The following DMRT1 variants were observed in gnomAD, a reference collection of about 807,000 sequenced individuals.
DMRT1 encodes doublesex- and mab-3-related transcription factor 1.
DMRT1 carries 7 observed loss-of-function variants against 32.3 expected under a neutral mutation model. The observed-to-expected ratio is 0.22, with a 90% confidence interval of 0.12 to 0.41. The LOEUF is 0.41. Ranked by LOEUF, DMRT1 falls within the 10% of genes least tolerant of loss-of-function variation. The pLI is 1.00. For missense variants in DMRT1, 625 were observed against 500.5 expected, an observed-to-expected ratio of 1.25 and a Z score of -2.37; for synonymous variants, 278 against 206.1, an observed-to-expected ratio of 1.35 and a Z score of -2.99.
intron 3 of DMRT1, among the ~76,000 whole-genome samples, chr9:896,754 A>G (rs1817383453): frequency 6.6e-6 from 1 of 151,722 alleles, no homozygotes; most frequent in East Asian, 2.0e-4. Context: ...TGGAGGTTGC[A>G]GTGAGCAGAG....
chr9:908,214 G>T (rs187311541), intron 3 of DMRT1, among the ~76,000 whole-genome samples: 1 of 152,090 alleles, frequency 6.6e-6, no homozygotes, highest in Non-Finnish European at 1.5e-5. Context: ...GCTCTTGGAG[G>T]GGGGCCCAAG....
intron 4 of DMRT1, among the ~76,000 whole-genome samples, chr9:963,309 A>C (rs1052975526): frequency 1.9e-4 from 29 of 152,218 alleles, no homozygotes; most frequent in Non-Finnish European, 2.8e-4. Flanking sequence ...TAAAGCTGAT[A>C]ACTAAGATAT....
At chr9:894,402 T>G in intron 3 of DMRT1, 1 of 625,708 alleles carries the variant, frequency 1.6e-6, no homozygotes, top group Non-Finnish European at 2.9e-6. Flanking sequence ...AATTTTTTAC[T>G]CTGTCAATAA....
chr9:914,100 G>T (rs1435130154), intron 3 of DMRT1, among the ~76,000 whole-genome samples: 1 of 152,130 alleles, frequency 6.6e-6, no homozygotes, highest in East Asian at 1.9e-4. Context: ...AGATGCTGCA[G>T]TGCTCTAATT....
At chr9:883,424 G>A (rs1816808020) in intron 2 of DMRT1, among the ~76,000 whole-genome samples, 1 of 151,988 alleles carries the variant, frequency 6.6e-6, no homozygotes, top group Non-Finnish European at 1.5e-5. Context: ...TCAGTGAGGA[G>A]CATCCCAGTG....
In DMRT1 at chr9:889,850, G is replaced by C. The variant is rs957265328; in HGVS notation, c.539-4062G>C. On this transcript the variant is annotated intron_variant, in intron 2 of 4. Coordinates refer to ENST00000382276, the MANE Select transcript of DMRT1 (RefSeq NM_021951.3). ...TTCAGTGTTTTTAATGCAGGGACAG[G>C]CCTAAGTGTCTAAAATGCCTTCCTA... Among the ~76,000 whole-genome samples the C allele has an allele frequency of 2.6e-5, 4 of 152,268 alleles. No homozygotes were observed. The East Asian group carries it at 5.8e-4, about 22-fold the overall frequency.
intron 4 of DMRT1, among the ~76,000 whole-genome samples, chr9:953,021 A>C (rs1189371340): frequency 6.6e-6 from 1 of 152,206 alleles, no homozygotes; most frequent in Non-Finnish European, 1.5e-5. Flanking sequence ...AAAGATACAC[A>C]TCTTTGAAAT....
Position 883,493 on chromosome 9 carries a change from C to T in DMRT1, c.539-10419C>T, listed in dbSNP as rs80195113. On this transcript the variant is annotated intron_variant, in intron 2 of 4. Coordinates refer to ENST00000382276, the MANE Select transcript of DMRT1 (RefSeq NM_021951.3). ...TTTTAAAAAAATGCATTAACTCCCCCGACCCCCAAAAGGAGAGCCCGGGTG... is the reference window on the plus strand; with the variant it reads ...TTTTAAAAAAATGCATTAACTCCCCTGACCCCCAAAAGGAGAGCCCGGGTG... Among the ~76,000 whole-genome samples the T allele has an allele frequency of 4.0e-3, 602 of 151,944 alleles. 3 individuals carry two copies. The highest frequency in any genetic ancestry group is 0.014 in the African/African-American group (583 of 41,444).
At position 923,602 on chromosome 9, in the gene DMRT1, A is replaced by G. The variant is rs182868709; in HGVS notation, c.967+6695A>G. On this transcript the variant is annotated intron_variant, in intron 4 of 4. Coordinates refer to ENST00000382276, the MANE Select transcript of DMRT1 (RefSeq NM_021951.3). ...TGCGAGGGCTGTGTGGGCATTTCAC[A>G]TAGCTCTTCTTGTAGGGGAGAACGA... is the stretch of plus-strand genomic sequence containing the variant. Among the ~76,000 whole-genome samples the G allele has an allele frequency of 2.2e-4, 33 of 152,322 alleles. 1 individual carries two copies. The East Asian group carries it at 5.4e-3, about 25-fold the overall frequency.
chr9:935,448 G>A lies in DMRT1; in HGVS notation c.967+18541G>A, dbSNP rs72701042. Among the ~76,000 whole-genome samples, 839 of 152,298 alleles carry A rather than the reference G, an allele frequency of 5.5e-3. 6 individuals are homozygous for A. Among genetic ancestry groups the A allele is most frequent in the Non-Finnish European group, 9.0e-3 (613 of 68,024 alleles). On this transcript the variant is annotated intron_variant, in intron 4 of 4. Coordinates refer to ENST00000382276, the MANE Select transcript of DMRT1 (RefSeq NM_021951.3). ...CTTAGGTTGAGAGAGTGTAATTGCC[G>A]GAGGGGACAGTTAAGTGGCTCTGCT... is the stretch of plus-strand genomic sequence containing the variant.
At chr9:934,191 G>T (rs1156945584) in intron 4 of DMRT1, among the ~76,000 whole-genome samples, 1 of 152,194 alleles carries the variant, frequency 6.6e-6, no homozygotes, top group Non-Finnish European at 1.5e-5. Context: ...AACTGGGGAT[G>T]TAGCATTCAT....
intron 2 of DMRT1, among the ~76,000 whole-genome samples, chr9:887,254 C>A (rs1390024730): frequency 6.6e-6 from 1 of 152,212 alleles, no homozygotes; most frequent in South Asian, 2.1e-4. Flanking sequence ...AAAAGGAGAT[C>A]TGCCAGTGAT....
intron 2 of DMRT1, among the ~76,000 whole-genome samples, chr9:884,472 G>C (rs916248855): frequency 1.3e-5 from 2 of 152,078 alleles, no homozygotes; most frequent in African/African-American, 4.8e-5. Context: ...TAGAATAAGA[G>C]GTGACTGAGC....
intron 2 of DMRT1, among the ~76,000 whole-genome samples, chr9:884,095 A>C (rs1160606998): frequency 6.6e-6 from 1 of 152,108 alleles, no homozygotes; most frequent in African/African-American, 2.4e-5. Context: ...TTCATGCTGG[A>C]AACTGTGATG....
chr9:888,174 A>C (rs1817004114), intron 2 of DMRT1, among the ~76,000 whole-genome samples: 2 of 152,238 alleles, frequency 1.3e-5, no homozygotes. Context: ...AGAATAAATG[A>C]AGAAAGTCTG....
intron 1 of DMRT1, among the ~76,000 whole-genome samples, chr9:844,504 C>G (rs574855785): frequency 3.5e-5 from 5 of 142,460 alleles, no homozygotes; most frequent in Admixed American, 2.7e-4. Flanking sequence ...CATTGATGTT[C>G]TCTTTCTAAG....
chr9:849,497 G>C (rs1839047825), intron 2 of DMRT1, among the ~76,000 whole-genome samples: 1 of 152,236 alleles, frequency 6.6e-6, no homozygotes, highest in African/African-American at 2.4e-5. Context: ...TAAACCCTAA[G>C]ATAGTGGAGC....
At chr9:922,842 G>A (rs1586622273) in intron 4 of DMRT1, among the ~76,000 whole-genome samples, 2 of 152,240 alleles carry the variant, frequency 1.3e-5, no homozygotes, top group African/African-American at 4.8e-5. Context: ...ACACACAGAG[G>A]TTGTCAGCAG....
At chr9:967,064 T>A (rs540928143) in intron 4 of DMRT1, among the ~76,000 whole-genome samples, 1 of 152,340 alleles carries the variant, frequency 6.6e-6, no homozygotes, top group African/African-American at 2.4e-5. Flanking sequence ...GACAAACTAC[T>A]GCCCGGCAGA....
Sources: gnomAD v4.1 joint callset for allele counts (sites outside exome capture counted in the v4.1 genomes callset) on GRCh38, gnomAD v4.1.1 for gene constraint, MANE v1.5 for transcripts, NCBI Gene and HGNC (gene_info 2026-07-23, HGNC 2026-07-21) for gene names.